TMPRSS12: variants seen among roughly 807,000 people sequenced by gnomAD.
TMPRSS12 encodes the protein transmembrane protease serine 12.
In TMPRSS12, 25 loss-of-function variants were observed where a neutral mutation model predicts 26.0. The observed-to-expected ratio is 0.96, with a 90% CI of 0.70 to 1.34. The LOEUF is 1.34. Among genes scored for constraint, TMPRSS12 ranks in the 40% most tolerant of loss-of-function variants. The pLI is 0.00. For synonymous variants in TMPRSS12, 150 were observed against 161.7 expected, an observed-to-expected ratio of 0.93 and a Z score of 0.55; for missense variants, 441 against 440.1, an observed-to-expected ratio of 1.00 and a Z score of -0.02.
At chr12:50,874,279 G>A (rs536671795) in intron 3 of TMPRSS12, among the ~76,000 whole-genome samples, 1 of 151,994 alleles carries the variant, frequency 6.6e-6, no homozygotes, top group South Asian at 2.1e-4. Flanking sequence ...AAACTACAGA[G>A]AAACAGCTTT....
intron 3 of TMPRSS12, among the ~76,000 whole-genome samples, chr12:50,863,527 G>A (rs1442836304): frequency 6.6e-6 from 1 of 152,124 alleles, no homozygotes; most frequent in African/African-American, 2.4e-5. Flanking sequence ...CAACCAAAAT[G>A]TCCTTCAATA....
At chr12:50,872,773 A>ATATATGTACATATATAGACGTC (rs1938070623) in intron 3 of TMPRSS12, among the ~76,000 whole-genome samples, 1 of 115,438 alleles carries the variant, frequency 8.7e-6, no homozygotes, top group African/African-American at 3.1e-5. Context: ...TATATGACGT[A>ATATATGTACATATATAGACGTC]TATATGTACA....
chr12:50,850,187 TAGG>T (rs2139720674), intron 2 of TMPRSS12, among the ~76,000 whole-genome samples: 2 of 152,224 alleles, frequency 1.3e-5, no homozygotes, highest in South Asian at 4.2e-4. Context: ...TGGGGCCTGG[TAGG>T]AGGTGACTGG....
At chr12:50,882,037 ATAT>A (rs1456447628) in intron 3 of TMPRSS12, among the ~76,000 whole-genome samples, 5 of 121,166 alleles carry the variant, frequency 4.1e-5, no homozygotes, top group African/African-American at 1.6e-4. Context: ...ATATATATAT[ATAT>A]ATGTTTATTT....
chr12:50,847,004 CAA>C (rs533581364), intron 2 of TMPRSS12, among the ~76,000 whole-genome samples: 5 of 124,908 alleles, frequency 4.0e-5, no homozygotes, highest in Admixed American at 8.3e-5. Context: ...TCTGTTTCTG[CAA>C]AAAAAAAAAT....
chr12:50,850,233 C>T (rs1192871347), intron 2 of TMPRSS12, among the ~76,000 whole-genome samples: 1 of 152,090 alleles, frequency 6.6e-6, no homozygotes, highest in Non-Finnish European at 1.5e-5. Flanking sequence ...GAATGGCTTA[C>T]AACCATTCCC....
intron 3 of TMPRSS12, among the ~76,000 whole-genome samples, chr12:50,861,892 C>T (rs572071647): frequency 4.1e-4 from 62 of 152,014 alleles, no homozygotes; most frequent in African/African-American, 1.5e-3. Flanking sequence ...TCATTGCAAC[C>T]TTTGCCTCTT....
chr12:50,848,000 T>C (rs937122126), intron 2 of TMPRSS12: 1 of 152,120 alleles, frequency 6.6e-6, no homozygotes, highest in African/African-American at 2.4e-5. Flanking sequence ...GGTACGGGAC[T>C]ACTTGGCCAA....
At chr12:50,885,490 T>G (rs773225071) in intron 4 of TMPRSS12, 102 bp downstream of exon 4, 8 of 1,287,506 alleles carry the variant, frequency 6.2e-6, no homozygotes, top group Non-Finnish European at 9.0e-6. Context: ...TTATCAGGCC[T>G]AAAAATAATA....
chr12:50,878,200 GAAA>G (rs36087199), intron 3 of TMPRSS12, among the ~76,000 whole-genome samples: 5 of 139,694 alleles, frequency 3.6e-5, no homozygotes, highest in Non-Finnish European at 3.1e-5. Flanking sequence ...TTATTTTGGG[GAAA>G]AAAAAAAAAA....
intron 3 of TMPRSS12, among the ~76,000 whole-genome samples, chr12:50,878,787 A>G (rs765607322): frequency 3.9e-5 from 6 of 152,188 alleles, no homozygotes; most frequent in Non-Finnish European, 7.3e-5. Context: ...TCTCCGTACT[A>G]TATTCAATAG....
chr12:50,874,540 G>T (rs1256857704), intron 3 of TMPRSS12, among the ~76,000 whole-genome samples: 1 of 152,008 alleles, frequency 6.6e-6, no homozygotes, highest in Non-Finnish European at 1.5e-5. Context: ...ATTCTCAAAA[G>T]AAATAGCAAT....
At chr12:50,872,560 A>G (rs1402481133) in intron 3 of TMPRSS12, among the ~76,000 whole-genome samples, 5 of 142,636 alleles carry the variant, frequency 3.5e-5, no homozygotes, top group Non-Finnish European at 7.6e-5. Context: ...TGAAAAAAAT[A>G]TATATATATG....
intron 3 of TMPRSS12, among the ~76,000 whole-genome samples, chr12:50,884,353 A>AG (rs1417520033): frequency 5.9e-5 from 9 of 152,240 alleles, no homozygotes; most frequent in Admixed American, 5.9e-4. Flanking sequence ...TAACTAAAAT[A>AG]GGCTCTAAAA....
intron 3 of TMPRSS12, 98 bp downstream of exon 3, chr12:50,859,151 T>A (rs890196908): frequency 8.6e-7 from 1 of 1,162,436 alleles, no homozygotes; most frequent in Non-Finnish European, 1.2e-6. Context: ...ATAATGACAT[T>A]TAAGTTAATG....
intron 3 of TMPRSS12, among the ~76,000 whole-genome samples, chr12:50,880,966 CTTTTTTTTTTTTTTTTTTT>C (rs869152225): frequency 3.2e-5 from 2 of 61,786 alleles, no homozygotes; most frequent in Non-Finnish European, 5.7e-5. Flanking sequence ...TCAGTAATTT[CTTTTTTTTTTTTTTTTTTT>C]TTTTTTTTTT....
intron 3 of TMPRSS12, among the ~76,000 whole-genome samples, chr12:50,875,354 G>T (rs2139734253): frequency 6.6e-6 from 1 of 151,886 alleles, no homozygotes; most frequent in East Asian, 1.9e-4. Flanking sequence ...AGCCAGGTGT[G>T]GTGGCACACA....
At chr12:50,862,809 G>A (rs1280325095) in intron 3 of TMPRSS12, among the ~76,000 whole-genome samples, 1 of 152,010 alleles carries the variant, frequency 6.6e-6, no homozygotes, top group Non-Finnish European at 1.5e-5. Flanking sequence ...CTACAGGCGT[G>A]AGCCCCTGCA....
chr12:50,862,162 C>A (rs1010865566), intron 3 of TMPRSS12, among the ~76,000 whole-genome samples: 1 of 152,090 alleles, frequency 6.6e-6, no homozygotes. Context: ...AAAGTGAGAG[C>A]AATGATACCC....
Sources: gnomAD v4.1 joint callset for allele counts (sites outside exome capture counted in the v4.1 genomes callset) on GRCh38, gnomAD v4.1.1 for gene constraint, MANE v1.5 for transcripts, NCBI Gene and HGNC (gene_info 2026-07-23, HGNC 2026-07-21) for gene names.